The following HEPH variants were observed in gnomAD, a reference collection of about 807,000 sequenced individuals.
HEPH encodes the protein hephaestin.
Under a neutral mutation model 80.8 loss-of-function variants are expected in HEPH, and 69 were observed. That is an observed-to-expected ratio of 0.85 (90% CI 0.70 to 1.04). HEPH has a LOEUF of 1.04. Among genes scored for constraint, HEPH ranks in the 50% least tolerant of loss-of-function variants. The pLI, the probability that HEPH is intolerant of heterozygous loss-of-function variation, is 0.00. For synonymous variants in HEPH, 431 were observed against 322.8 expected (o/e 1.34, Z -3.60); for missense variants, 1,115 against 891.3 (o/e 1.25, Z -3.20).
At chrX:66,248,558 G>T (rs942693761) in intron 15 of HEPH, among the ~76,000 whole-genome samples, 4 of 112,232 alleles carry the variant, frequency 3.6e-5, no homozygotes, top group African/African-American at 1.3e-4. Context: ...TTAGTGAAAA[G>T]GTGAAAGTTT....
chrX:66,187,305 A>AT (rs1491389560), intron 4 of HEPH, among the ~76,000 whole-genome samples: 2 of 109,651 alleles, frequency 1.8e-5, no homozygotes, highest in East Asian at 2.9e-4. Context: ...AGCTAGTGTG[A>AT]TTTTTTTGGG....
At chrX:66,215,981 G>A (rs926131689) in intron 15 of HEPH, among the ~76,000 whole-genome samples, 4 of 111,776 alleles carry the variant, frequency 3.6e-5, no homozygotes, top group Non-Finnish European at 3.8e-5. Flanking sequence ...ATGCAGCAGA[G>A]GCAGCCATAA....
intron 18 of HEPH, among the ~76,000 whole-genome samples, chrX:66,259,566 C>A (rs772632279): frequency 7.2e-5 from 8 of 111,823 alleles, no homozygotes; most frequent in Non-Finnish European, 1.5e-4. Context: ...ATATTTTAGC[C>A]TGCTGAAAAT....
chrX:66,257,555 A>T (rs1327719396), intron 17 of HEPH, among the ~76,000 whole-genome samples: 1 of 112,345 alleles, frequency 8.9e-6, no homozygotes, highest in Non-Finnish European at 1.9e-5. Context: ...GGGCTTACTA[A>T]CACTTCTCTG....
Position 66,193,535 on chromosome X carries a change from C to A in HEPH, c.1266C>A (p.Ser422Arg), listed in dbSNP as rs1279944366. The change falls in exon 8 of 21, where the codon AGC (serine) becomes AGA (arginine). Residue 422 changes from serine to arginine, a missense_variant. Physicochemically the swap from Ser to Arg is moderately radical, Grantham distance 110 (BLOSUM62 -1). Around this residue, in one of 3 missense-constraint regions of HEPH, gnomAD observed 391 missense variants for 343.6 expected, o/e 1.14. Transcript: ENST00000343002. The stretch of plus-strand genomic sequence containing the variant: ...ATAAGTTTTTCCAGAAGAGCTCCAG[C>A]CGAATTGGGGGCACTTACTGGAAAG... ...ISDKFFQKSS[S>R]RIGGTYWKVR... 5 of 1,183,778 alleles carry A rather than the reference C, an allele frequency of 4.2e-6. No individual in the cohort carries two copies. The African/African-American group carries it at 8.9e-5, about 21-fold the overall frequency.
intron 15 of HEPH, among the ~76,000 whole-genome samples, chrX:66,228,938 A>C (rs2090005890): frequency 8.9e-6 from 1 of 112,624 alleles, no homozygotes; most frequent in Admixed American, 9.4e-5. Flanking sequence ...GCGGAAATGT[A>C]AACTAGTACA....
intron 4 of HEPH, among the ~76,000 whole-genome samples, chrX:66,187,696 T>C (rs1254992333): frequency 9.0e-6 from 1 of 110,923 alleles, no homozygotes; most frequent in Non-Finnish European, 1.9e-5. Flanking sequence ...GGTCTGTGGG[T>C]CCTCTTGGGA....
At chrX:66,233,252 G>T (rs757747518) in intron 15 of HEPH, among the ~76,000 whole-genome samples, 53 of 111,714 alleles carry the variant, frequency 4.7e-4, no homozygotes, top group African/African-American at 1.7e-3. Context: ...ACATATGTGA[G>T]CATGCTGCAA....
Position 66,174,373 on chromosome X carries a change from G to A in HEPH, c.625+572G>A, listed in dbSNP as rs140902877. 2.0e-3 allele frequency among the ~76,000 whole-genome samples: 218 copies of A among 111,787 alleles called. 2 individuals carry two copies. In the East Asian group the frequency reaches 0.05, roughly 26 times the overall value. On this transcript the variant is annotated intron_variant, in intron 4 of 20. Transcript: ENST00000343002. ...TTTTATTGCTGAGTAGTAGTCCATC[G>A]TATATATGTACCACGGTTTCTTGAT... is the stretch of plus-strand genomic sequence containing the variant.
chrX:66,235,073 G>C (rs1316014900), intron 15 of HEPH, among the ~76,000 whole-genome samples: 1 of 111,147 alleles, frequency 9.0e-6, no homozygotes, highest in Non-Finnish European at 1.9e-5. Flanking sequence ...ATTTGTTTAA[G>C]TTCCTTATAG....
chrX:66,241,948 A>G (rs1342381872), intron 15 of HEPH, among the ~76,000 whole-genome samples: 1 of 110,810 alleles, frequency 9.0e-6, no homozygotes, highest in Non-Finnish European at 1.9e-5. Context: ...ACCCAAAACA[A>G]TTTGTAGATT....
At chrX:66,186,721 C>T (rs1356017467) in intron 4 of HEPH, among the ~76,000 whole-genome samples, 2 of 111,657 alleles carry the variant, frequency 1.8e-5, no homozygotes, top group Non-Finnish European at 3.8e-5. Context: ...CATCTTTGCT[C>T]CTCCTCCCCC....
chrX:66,190,315 A>AT, intron 6 of HEPH, among the ~76,000 whole-genome samples: 1 of 111,301 alleles, frequency 9.0e-6, no homozygotes, highest in Middle Eastern at 4.6e-3. Context: ...AGAGAGTAAC[A>AT]TTTCTGTAGG....
intron 7 of HEPH, among the ~76,000 whole-genome samples, chrX:66,192,520 C>A (rs1180869814): frequency 1.8e-5 from 2 of 111,122 alleles, no homozygotes; most frequent in Non-Finnish European, 3.8e-5. Context: ...TTCCATATCC[C>A]CACAAAGGGT....
chrX:66,246,188 G>C (rs895533618), intron 15 of HEPH, among the ~76,000 whole-genome samples: 2 of 112,060 alleles, frequency 1.8e-5, no homozygotes, highest in African/African-American at 6.5e-5. Context: ...TGTTTCCTGG[G>C]AAAACAGGAA....
chrX:66,179,073 T>C (rs1220432797), intron 4 of HEPH, among the ~76,000 whole-genome samples: 5 of 112,046 alleles, frequency 4.5e-5, no homozygotes, highest in Non-Finnish European at 7.5e-5. Flanking sequence ...GTTTTTATGG[T>C]TTTAGATCTA....
Position 66,207,188 on chromosome X carries a change from C to T in HEPH, c.2292-7C>T. 1 of 1,184,672 alleles carries T rather than the reference C, an allele frequency of 8.4e-7. No individual in the cohort carries two copies. The highest frequency in any genetic ancestry group is 1.8e-5 in the African/African-American group (1 of 56,038). Reference sequence around the variant, plus strand: ...AGGTGCTGATAGTACTCTTTGGATTCCTCTAGTTATGGTTACATTTTCCTG... The same window carrying T: ...AGGTGCTGATAGTACTCTTTGGATTTCTCTAGTTATGGTTACATTTTCCTG... On this transcript the variant is annotated splice_polypyrimidine_tract_variant and splice_region_variant and intron_variant, in intron 13 of 20. Transcript: ENST00000343002.
chrX:66,248,028 A>G (rs2090875760), intron 15 of HEPH, among the ~76,000 whole-genome samples: 1 of 110,880 alleles, frequency 9.0e-6, no homozygotes, highest in Non-Finnish European at 1.9e-5. Flanking sequence ...CTTTTCTCTC[A>G]TTAAATATTA....
chrX:66,200,822 G>A (rs2088399093), intron 12 of HEPH, 70 bp downstream of exon 12: 17 of 849,830 alleles, frequency 2.0e-5, no homozygotes, highest in South Asian at 1.9e-4. Context: ...CGGGAAGAGG[G>A]AGGGATGGTG....
Sources: gnomAD v4.1 joint callset for allele counts (sites outside exome capture counted in the v4.1 genomes callset) on GRCh38, gnomAD v4.1.1 for gene constraint, gnomAD v4.1.1 regional missense constraint, MANE v1.5 for transcripts, NCBI Gene and HGNC (gene_info 2026-07-23, HGNC 2026-07-21) for gene names.